PAPPA: variants seen among roughly 807,000 people sequenced by gnomAD.
PAPPA encodes the protein pappalysin-1.
A neutral mutation model predicts 164.0 loss-of-function variants in PAPPA; 60 were observed. The observed-to-expected ratio is 0.37, with a 90% CI of 0.30 to 0.45. The LOEUF is 0.45. Ranked by LOEUF, PAPPA falls within the 20% of genes least tolerant of loss-of-function variation. The pLI is 1.00. For missense variants in PAPPA, 1,782 were observed against 2,087.3 expected (o/e 0.85, Z 2.85); for synonymous variants, 875 against 814.1 (o/e 1.07, Z -1.27).
intron 7 of PAPPA, among the ~76,000 whole-genome samples, chr9:116,255,343 AT>A (rs1166911767): frequency 6.6e-6 from 1 of 152,046 alleles, no homozygotes; most frequent in African/African-American, 2.4e-5. Context: ...CAACTAAAAA[AT>A]TCAAATAATT....
At chr9:116,343,917 C>T (rs189358265) in intron 13 of PAPPA, among the ~76,000 whole-genome samples, 34 of 152,078 alleles carry the variant, frequency 2.2e-4, no homozygotes, top group African/African-American at 6.3e-4. Flanking sequence ...CCTGCCACCA[C>T]GCCCAGCTAA....
At chr9:116,246,298 A>C (rs1322591470) in intron 7 of PAPPA, among the ~76,000 whole-genome samples, 2 of 152,168 alleles carry the variant, frequency 1.3e-5, no homozygotes, top group African/African-American at 2.4e-5. Context: ...GCCCACATAC[A>C]CCCAGCTGGT....
intron 1 of PAPPA, among the ~76,000 whole-genome samples, chr9:116,172,881 A>G (rs896028684): frequency 1.3e-5 from 2 of 152,198 alleles, no homozygotes; most frequent in African/African-American, 4.8e-5. Context: ...TGTACTATGC[A>G]TTCCACGATG....
chr9:116,349,683 AT>A (rs1205358079), intron 15 of PAPPA, among the ~76,000 whole-genome samples: 2 of 152,348 alleles, frequency 1.3e-5, no homozygotes, highest in South Asian at 2.1e-4. Context: ...AGAGATTGGA[AT>A]TTCCTTACCC....
chr9:116,276,519 T>A (rs1333753451), intron 9 of PAPPA, among the ~76,000 whole-genome samples: 1 of 74,450 alleles, frequency 1.3e-5, no homozygotes, highest in Non-Finnish European at 3.1e-5. Flanking sequence ...TTAGGGAGAC[T>A]GGACTGAGAC....
At chr9:116,303,266 T>C (rs1017433044) in intron 10 of PAPPA, among the ~76,000 whole-genome samples, 1 of 152,308 alleles carries the variant, frequency 6.6e-6, no homozygotes, top group African/African-American at 2.4e-5. Flanking sequence ...ATATTGGAAG[T>C]CCCACTTTTT....
At chr9:116,253,972 C>A (rs1844891819) in intron 7 of PAPPA, among the ~76,000 whole-genome samples, 1 of 152,168 alleles carries the variant, frequency 6.6e-6, no homozygotes, top group South Asian at 2.1e-4. Flanking sequence ...CCTAAATGGT[C>A]TTCCACCAAA....
intron 9 of PAPPA, among the ~76,000 whole-genome samples, chr9:116,299,304 T>G (rs1218293625): frequency 6.6e-6 from 1 of 152,168 alleles, no homozygotes; most frequent in East Asian, 1.9e-4. Context: ...TTCCTCTACG[T>G]ATCTATATAT....
intron 9 of PAPPA, among the ~76,000 whole-genome samples, chr9:116,300,296 C>A (rs1845564461): frequency 2.0e-5 from 3 of 147,998 alleles, no homozygotes; most frequent in Non-Finnish European, 3.0e-5. Context: ...TTGTTTTTTT[C>A]AGACAGGGTC....
intron 13 of PAPPA, among the ~76,000 whole-genome samples, chr9:116,339,188 A>G (rs1846102249): frequency 6.6e-6 from 1 of 152,178 alleles, no homozygotes; most frequent in Admixed American, 6.5e-5. Context: ...TCCTTTAATT[A>G]GTTGCCAACA....
At chr9:116,246,425 A>T (rs1056193661) in intron 7 of PAPPA, among the ~76,000 whole-genome samples, 4 of 152,288 alleles carry the variant, frequency 2.6e-5, no homozygotes, top group South Asian at 4.1e-4. Flanking sequence ...GCTTTAAAAA[A>T]TTTTTCTTAT....
At chr9:116,269,285 G>C (rs1845110800) in intron 8 of PAPPA, among the ~76,000 whole-genome samples, 1 of 152,138 alleles carries the variant, frequency 6.6e-6, no homozygotes, top group Non-Finnish European at 1.5e-5. Flanking sequence ...GTAAGATGTA[G>C]AACCAATACA....
In PAPPA at chr9:116,198,908, T is replaced by C. The variant is rs1005746202; in HGVS notation, c.1479-8548T>C. ...TTTATGATATGAGGGACCTCATACA[T>C]GGTGGAGTGTTTTTTTTTCCCCTTT... On this transcript the variant is annotated intron_variant, in intron 2 of 21. Coordinates refer to ENST00000328252, the MANE Select transcript of PAPPA (RefSeq NM_002581.5). Among the ~76,000 whole-genome samples the C allele has an allele frequency of 6.6e-5, 10 of 152,244 alleles. No individual in the cohort carries two copies. The East Asian group carries it at 1.4e-3, about 21-fold the overall frequency.
chr9:116,271,113 A>G lies in PAPPA; in HGVS notation c.2862-212A>G, dbSNP rs1439132332. On this transcript the variant is annotated intron_variant, in intron 8 of 21. Transcript: ENST00000328252. The surrounding 1 kb of genome is among the most constrained non-coding windows in gnomAD (Gnocchi z 4.2). ...GAATCAGGACTTCTACTTTGTCATCAGAAACACAAAGCAAGGCAAATGTGA... is the reference window on the plus strand; with the variant it reads ...GAATCAGGACTTCTACTTTGTCATCGGAAACACAAAGCAAGGCAAATGTGA... Among the ~76,000 whole-genome samples the G allele has an allele frequency of 6.6e-6, 1 of 152,238 alleles. No homozygotes were observed. The highest frequency in any genetic ancestry group is 1.9e-4 in the East Asian group (1 of 5,198).
In PAPPA at chr9:116,362,604, A is replaced by T; in HGVS notation, c.4360A>T (p.Asn1454Tyr). 6.2e-7 allele frequency: 1 copy of T among 1,613,816 alleles called. No individual in the cohort carries two copies. The highest frequency in any genetic ancestry group is 8.5e-7 in the Non-Finnish European group (1 of 1,179,828). ...DSDASQGLGS[N>Y]VIHCRKDGTW... ...CTCTGTTGTTCAGGGACTTGGGAGCAATGTCATTCATTGCCGGAAAGATGG... is the reference window on the plus strand; with the variant it reads ...CTCTGTTGTTCAGGGACTTGGGAGCTATGTCATTCATTGCCGGAAAGATGG... The change falls in exon 18 of 22, where the codon AAT becomes TAT. Residue 1454 changes from asparagine (N) to tyrosine (Y), a missense_variant. Asn to Tyr is a moderately radical substitution (Grantham distance 143). Coordinates refer to ENST00000328252, the MANE Select transcript of PAPPA (RefSeq NM_002581.5).
At chr9:116,360,208 T>G (rs1846406447) in intron 17 of PAPPA, among the ~76,000 whole-genome samples, 1 of 152,160 alleles carries the variant, frequency 6.6e-6, no homozygotes, top group African/African-American at 2.4e-5. Context: ...TGGGGTCAAT[T>G]TCCTACTCCC....
At position 116,302,900 on chromosome 9, in the gene PAPPA, G is replaced by A. The variant is rs762504938; in HGVS notation, c.3097G>A (p.Asp1033Asn). The A allele has an allele frequency of 1.9e-6, 3 of 1,613,952 alleles. No individual in the cohort carries two copies. Among genetic ancestry groups the A allele is most frequent in the African/African-American group, 2.7e-5 (2 of 74,898 alleles). ...ATCCAATGCTTCAGTATCTCATCAAGACCAGCAATGCCCAGGCTGGGTCAT... is the reference window on the plus strand; with the variant it reads ...ATCCAATGCTTCAGTATCTCATCAAAACCAGCAATGCCCAGGCTGGGTCAT... ...WASNASVSHQ[D>N]QQCPGWVIIG... The change falls in exon 10 of 22, where the codon GAC becomes AAC. Residue 1033 changes from aspartate (D) to asparagine (N), a missense_variant. Asp to Asn is a conservative substitution (Grantham distance 23, BLOSUM62 1). Transcript: ENST00000328252.
chr9:116,249,695 A>G (rs1480672894), intron 7 of PAPPA, among the ~76,000 whole-genome samples: 2 of 152,144 alleles, frequency 1.3e-5, no homozygotes, highest in African/African-American at 4.8e-5. Flanking sequence ...TATTAATGGG[A>G]TAAAATACTT....
At chr9:116,211,346 C>A (rs1275432822) in intron 3 of PAPPA, among the ~76,000 whole-genome samples, 1 of 152,206 alleles carries the variant, frequency 6.6e-6, no homozygotes, top group East Asian at 1.9e-4. Flanking sequence ...GAATTGCTCT[C>A]CATTGAAATA....
Sources: gnomAD v4.1 joint callset for allele counts (sites outside exome capture counted in the v4.1 genomes callset) on GRCh38, gnomAD v4.1.1 for gene constraint, Gnocchi (gnomAD v3.1) non-coding constraint, MANE v1.5 for transcripts, NCBI Gene and HGNC (gene_info 2026-07-23, HGNC 2026-07-21) for gene names.